The following SPPL3 variants were observed in gnomAD, a reference collection of about 807,000 sequenced individuals.
The protein encoded by SPPL3 is signal peptide peptidase like 3.
Under a neutral mutation model 42.4 loss-of-function variants are expected in SPPL3, and 5 were observed. The ratio of observed to expected loss-of-function variants is 0.12; its 90% CI spans 0.06 to 0.25. SPPL3 has a LOEUF of 0.25. SPPL3 is among the 10% of genes least tolerant of loss of function. The probability of loss-of-function intolerance (pLI) is 1.00; values close to 1 mark genes in which losing one functional copy is unlikely to be tolerated. For missense variants in SPPL3, 235 were observed against 489.0 expected, an observed-to-expected ratio of 0.48 and a Z score of 4.90; for synonymous variants, 195 against 181.8, an observed-to-expected ratio of 1.07 and a Z score of -0.58.
intron 2 of SPPL3, among the ~76,000 whole-genome samples, chr12:120,796,069 C>T (rs776048924): frequency 6.6e-6 from 1 of 152,084 alleles, no homozygotes; most frequent in Non-Finnish European, 1.5e-5. Flanking sequence ...AGTTTGATTT[C>T]GTTCTTCTTT....
At chr12:120,797,060 C>T (rs1566044416) in intron 2 of SPPL3, among the ~76,000 whole-genome samples, 1 of 152,088 alleles carries the variant, frequency 6.6e-6, no homozygotes, top group African/African-American at 2.4e-5. Flanking sequence ...ATCCGAGCTA[C>T]CCAGGAGGCT....
At chr12:120,794,391 GTTTTAT>G (rs1010632547) in intron 2 of SPPL3, among the ~76,000 whole-genome samples, 27 of 151,864 alleles carry the variant, frequency 1.8e-4, no homozygotes, top group South Asian at 4.1e-4. Flanking sequence ...CACAATTGCT[GTTTTAT>G]TTTTATTTTT....
intron 1 of SPPL3, among the ~76,000 whole-genome samples, chr12:120,812,918 T>C (rs1055768842): frequency 6.6e-6 from 1 of 152,116 alleles, no homozygotes; most frequent in African/African-American, 2.4e-5. Context: ...ACTCACTGCA[T>C]TAGGAGGGAG....
intron 1 of SPPL3, among the ~76,000 whole-genome samples, chr12:120,814,585 C>T (rs1189754786): frequency 6.6e-6 from 1 of 152,050 alleles, no homozygotes; most frequent in Non-Finnish European, 1.5e-5. Context: ...CAAGAAGGAA[C>T]ATTTTCTTAA....
At chr12:120,891,895 A>C (rs1416956628) in intron 1 of SPPL3, among the ~76,000 whole-genome samples, 4 of 152,350 alleles carry the variant, frequency 2.6e-5, no homozygotes, top group South Asian at 2.1e-4. Context: ...ATGTTCAAGA[A>C]GACTAAGCTG....
intron 2 of SPPL3, among the ~76,000 whole-genome samples, chr12:120,793,762 T>G (rs888434157): frequency 6.6e-6 from 1 of 152,258 alleles, no homozygotes; most frequent in Admixed American, 6.5e-5. Context: ...CCTGGGCTAA[T>G]GCAGATCAGA....
chr12:120,842,194 G>A (rs1246596483), intron 1 of SPPL3, among the ~76,000 whole-genome samples: 1 of 152,168 alleles, frequency 6.6e-6, no homozygotes, highest in Admixed American at 6.5e-5. Flanking sequence ...TGCATAGAAA[G>A]TTGGCATTTT....
At chr12:120,870,127 G>C (rs1176197569) in intron 1 of SPPL3, among the ~76,000 whole-genome samples, 1 of 152,124 alleles carries the variant, frequency 6.6e-6, no homozygotes, top group Non-Finnish European at 1.5e-5. Flanking sequence ...CACATCTTCA[G>C]ATTCAGAATA....
chr12:120,798,447 T>TC (rs1307381831), intron 2 of SPPL3, among the ~76,000 whole-genome samples: 1 of 152,206 alleles, frequency 6.6e-6, no homozygotes, highest in Non-Finnish European at 1.5e-5. Context: ...TGCATATATT[T>TC]CCCCTGCCAA....
chr12:120,895,727 T>C (rs1178957155), intron 1 of SPPL3, among the ~76,000 whole-genome samples: 1 of 139,768 alleles, frequency 7.2e-6, no homozygotes, highest in African/African-American at 2.5e-5. Context: ...TGAAGCATTT[T>C]TATGTGCATT....
intron 1 of SPPL3, among the ~76,000 whole-genome samples, chr12:120,868,904 G>A (rs535973274): frequency 6.6e-6 from 1 of 152,212 alleles, no homozygotes; most frequent in East Asian, 1.9e-4. Context: ...GTGCCATAGC[G>A]ACTGCTATAA....
intron 1 of SPPL3, among the ~76,000 whole-genome samples, chr12:120,835,135 C>T (rs1185376939): frequency 6.6e-6 from 1 of 152,124 alleles, no homozygotes; most frequent in Non-Finnish European, 1.5e-5. Context: ...GACCCTGTTC[C>T]AACTTCCTTT....
intron 1 of SPPL3, among the ~76,000 whole-genome samples, chr12:120,841,427 G>GTT (rs999270123): frequency 5.9e-5 from 8 of 135,728 alleles, no homozygotes; most frequent in Non-Finnish European, 1.0e-4. Context: ...TAAAAAAATA[G>GTT]TTATATATAT....
chr12:120,884,452 T>A (rs1873386481), intron 1 of SPPL3, among the ~76,000 whole-genome samples: 1 of 152,072 alleles, frequency 6.6e-6, no homozygotes, highest in South Asian at 2.1e-4. Flanking sequence ...CATGAAATGT[T>A]ACCATAAATT....
intron 1 of SPPL3, among the ~76,000 whole-genome samples, chr12:120,852,381 A>G (rs1872260616): frequency 1.6e-5 from 1 of 61,154 alleles, no homozygotes; most frequent in African/African-American, 5.8e-5. Context: ...TATATATAAT[A>G]TACATATTTT....
intron 6 of SPPL3, among the ~76,000 whole-genome samples, chr12:120,773,434 AG>A (rs2136970473): frequency 6.6e-6 from 1 of 152,364 alleles, no homozygotes; most frequent in South Asian, 2.1e-4. Flanking sequence ...GCACGAAGAA[AG>A]TAACAGAAGG....
chr12:120,790,794 G>A (rs1259959023), intron 3 of SPPL3, among the ~76,000 whole-genome samples: 1 of 151,432 alleles, frequency 6.6e-6, no homozygotes, highest in Non-Finnish European at 1.5e-5. Flanking sequence ...TATATAGGAG[G>A]TGAAGAGGTA....
At chr12:120,853,091 T>C (rs1486012070) in intron 1 of SPPL3, among the ~76,000 whole-genome samples, 1 of 151,542 alleles carries the variant, frequency 6.6e-6, no homozygotes, top group African/African-American at 2.4e-5. Context: ...GAGACAGGGT[T>C]TGACTGTGTT....
chr12:120,851,166 G>A (rs765332924), intron 1 of SPPL3, among the ~76,000 whole-genome samples: 17 of 152,040 alleles, frequency 1.1e-4, no homozygotes, highest in Non-Finnish European at 1.5e-4. Flanking sequence ...ATGAGAACGC[G>A]AGTCTAGAAA....
Sources: gnomAD v4.1 joint callset for allele counts (sites outside exome capture counted in the v4.1 genomes callset) on GRCh38, gnomAD v4.1.1 for gene constraint, MANE v1.5 for transcripts, NCBI Gene and HGNC (gene_info 2026-07-23, HGNC 2026-07-21) for gene names.